The following ZNF618 variants were observed in gnomAD, a reference collection of about 807,000 sequenced individuals.
The protein encoded by ZNF618 is neural precursor cell expressed, developmentally down-regulated 10.
ZNF618 carries 34 observed loss-of-function variants against 103.0 expected under a neutral mutation model. That is an observed-to-expected ratio of 0.33 (90% CI 0.25 to 0.44). The LOEUF is 0.44. Ranked by LOEUF, ZNF618 falls within the 20% of genes least tolerant of loss-of-function variation. The pLI is 1.00. For synonymous variants in ZNF618, 551 were observed against 542.2 expected (o/e 1.02, Z -0.23); for missense variants, 1,059 against 1,295.4 (o/e 0.82, Z 2.80).
chr9:114,038,420 C>T (rs1342104898), intron 13 of ZNF618, among the ~76,000 whole-genome samples: 3 of 152,248 alleles, frequency 2.0e-5, no homozygotes, highest in Non-Finnish European at 4.4e-5. Flanking sequence ...CAGAGAATGC[C>T]TGGCCGGCCA....
chr9:114,028,557 C>G, intron 10 of ZNF618, 176 bp from the exon 11 acceptor site: 5 of 1,000,422 alleles, frequency 5.0e-6, no homozygotes, highest in Non-Finnish European at 7.1e-6. Flanking sequence ...ACAGAAGGTT[C>G]CAGACTCCTG....
chr9:113,934,032 G>C (rs905988294), intron 1 of ZNF618, among the ~76,000 whole-genome samples: 1 of 152,098 alleles, frequency 6.6e-6, no homozygotes, highest in Non-Finnish European at 1.5e-5. Context: ...GTGGGCTGGG[G>C]ACAGGGGAGA....
At chr9:113,999,884 G>C (rs1367081183) in intron 4 of ZNF618, among the ~76,000 whole-genome samples, 2 of 152,226 alleles carry the variant, frequency 1.3e-5, no homozygotes. Context: ...TGGTTGAAGG[G>C]GAATTGGCAG....
intron 1 of ZNF618, among the ~76,000 whole-genome samples, chr9:113,889,562 A>T (rs529920851): frequency 6.6e-6 from 1 of 152,330 alleles, no homozygotes; most frequent in East Asian, 1.9e-4. Flanking sequence ...GGTGTGCGCC[A>T]TTCAGAGGGC....
chr9:113,943,106 C>T (rs986949288), intron 1 of ZNF618, among the ~76,000 whole-genome samples: 1 of 152,166 alleles, frequency 6.6e-6, no homozygotes, highest in African/African-American at 2.4e-5. Context: ...TCCAACAACT[C>T]TTCACTCCTC....
At chr9:113,941,155 ATT>A (rs1834512937) in intron 1 of ZNF618, among the ~76,000 whole-genome samples, 1 of 152,144 alleles carries the variant, frequency 6.6e-6, no homozygotes, top group Non-Finnish European at 1.5e-5. Flanking sequence ...TAACAAACTT[ATT>A]TAAACTTGGG....
intron 2 of ZNF618, among the ~76,000 whole-genome samples, chr9:113,973,391 C>T (rs892303271): frequency 3.3e-5 from 5 of 152,296 alleles, no homozygotes; most frequent in African/African-American, 9.6e-5. Flanking sequence ...GCCTGGAACA[C>T]ATAATGTTAT....
chr9:114,032,702 C>T lies in ZNF618; in HGVS notation c.1142C>T (p.Thr381Met), dbSNP rs747145715. 1.4e-5 allele frequency: 22 copies of T among 1,613,940 alleles called. No homozygotes were observed. Among genetic ancestry groups the T allele is most frequent in the African/African-American group, 8.0e-5 (6 of 74,948 alleles). Residue 381 changes from threonine (T) to methionine (M), a missense_variant, in exon 12 of 15, where the codon ACG becomes ATG. By Grantham distance (81) the Thr-to-Met change is moderately conservative. Coordinates refer to ENST00000374126, the MANE Select transcript of ZNF618 (RefSeq NM_001318042.2). ...EGKAQNHFEE[T>M]NSSSQNSSEP... The stretch of plus-strand genomic sequence containing the variant: ...AAAGCACAAAACCACTTTGAAGAGA[C>T]GAACAGCAGTTCGCAGAACTCCAGC...
At position 114,050,442 on chromosome 9, in the gene ZNF618, GCACACACACACACACACA is replaced by G. The variant is rs113819665; in HGVS notation, c.*291_*308del. 5 of 210,348 alleles carry G rather than the reference GCACACACACACACACACA, an allele frequency of 2.4e-5. No homozygotes were observed. The highest frequency in any genetic ancestry group is 9.0e-5 in the South Asian group (1 of 11,064). The allele number at this position is 210,348 out of a possible 1,614,324, so 13.0% of individuals were successfully genotyped here. ...ATGGCCAGAGAAACTTTGCACACAC[GCACACACACACACACACA>G]CACACACACACACACGACCCTGGTG... is the stretch of plus-strand genomic sequence containing the variant. On this transcript the variant is annotated 3_prime_UTR_variant, in exon 15 of 15. Transcript: ENST00000374126.
At chr9:113,924,557 T>G (rs1832914160) in intron 1 of ZNF618, among the ~76,000 whole-genome samples, 1 of 151,546 alleles carries the variant, frequency 6.6e-6, no homozygotes, top group Non-Finnish European at 1.5e-5. Flanking sequence ...TGATTTCTGC[T>G]CTAATTTTTA....
At chr9:114,020,799 C>G (rs1008065689) in intron 10 of ZNF618, among the ~76,000 whole-genome samples, 1 of 151,214 alleles carries the variant, frequency 6.6e-6, no homozygotes, top group Admixed American at 6.6e-5. Flanking sequence ...TTTTTTCTTC[C>G]TCACTATTCT....
intron 1 of ZNF618, among the ~76,000 whole-genome samples, chr9:113,895,033 G>A (rs538148969): frequency 6.6e-6 from 1 of 152,110 alleles, no homozygotes; most frequent in South Asian, 2.1e-4. Context: ...TAGTGAGAAG[G>A]ATTCTAGCGT....
chr9:114,003,191 C>T (rs575073844), intron 6 of ZNF618, among the ~76,000 whole-genome samples: 1 of 152,366 alleles, frequency 6.6e-6, no homozygotes, highest in East Asian at 1.9e-4. Flanking sequence ...ATCCCAGCAC[C>T]TGGGGCGGCA....
intron 3 of ZNF618, among the ~76,000 whole-genome samples, chr9:113,992,936 C>T (rs1840215325): frequency 6.6e-6 from 1 of 152,198 alleles, no homozygotes; most frequent in South Asian, 2.1e-4. Flanking sequence ...GTGTCTCTCA[C>T]TCCGAGAAAG....
At chr9:113,987,762 G>A (rs1839624505) in intron 2 of ZNF618, among the ~76,000 whole-genome samples, 1 of 152,228 alleles carries the variant, frequency 6.6e-6, no homozygotes, top group South Asian at 2.1e-4. Context: ...GGGAGGCCGA[G>A]GTGGGAGGGT....
At chr9:113,989,037 G>C (rs1193760944) in intron 3 of ZNF618, among the ~76,000 whole-genome samples, 1 of 152,208 alleles carries the variant, frequency 6.6e-6, no homozygotes, top group African/African-American at 2.4e-5. Flanking sequence ...TCTGGCCTGG[G>C]CCAGGCCCAG....
chr9:114,003,388 C>T (rs1841437184), intron 6 of ZNF618, among the ~76,000 whole-genome samples: 2 of 152,206 alleles, frequency 1.3e-5, no homozygotes, highest in East Asian at 1.9e-4. Context: ...CCAACAGAAA[C>T]GGGTGTATAT....
chr9:113,933,021 C>T (rs187466707), intron 1 of ZNF618, among the ~76,000 whole-genome samples: 4 of 152,180 alleles, frequency 2.6e-5, no homozygotes, highest in East Asian at 3.9e-4. Flanking sequence ...GAGCAACCAG[C>T]GAGGTGGGAA....
At chr9:113,920,916 C>T (rs1231903344) in intron 1 of ZNF618, among the ~76,000 whole-genome samples, 1 of 152,184 alleles carries the variant, frequency 6.6e-6, no homozygotes, top group African/African-American at 2.4e-5. Flanking sequence ...TGTGTCCCAC[C>T]TAGCTGAGGG....
Sources: gnomAD v4.1 joint callset for allele counts (sites outside exome capture counted in the v4.1 genomes callset) on GRCh38, gnomAD v4.1.1 for gene constraint, MANE v1.5 for transcripts, NCBI Gene and HGNC (gene_info 2026-07-23, HGNC 2026-07-21) for gene names.